AGBL1: variants seen among roughly 807,000 people sequenced by gnomAD.
The protein encoded by AGBL1 is AGBL carboxypeptidase 1, also known as cytosolic carboxypeptidase 4.
A neutral mutation model predicts 118.9 loss-of-function variants in AGBL1; 130 were observed. The observed-to-expected ratio is 1.09, with a 90% confidence interval of 0.95 to 1.26. The LOEUF is 1.26. AGBL1 is among the 50% of genes most tolerant of loss of function. AGBL1 has a pLI of 0.00. For synonymous variants in AGBL1, 555 were observed against 478.9 expected (o/e 1.16, Z -2.08); for missense variants, 1,584 against 1,298.1 (o/e 1.22, Z -3.38).
Position 86,491,679 on chromosome 15 carries a change from A to G in AGBL1, c.2556-31131A>G, listed in dbSNP as rs569566967. Among the ~76,000 whole-genome samples, 5 of 152,226 alleles carry G rather than the reference A, an allele frequency of 3.3e-5. No individual in the cohort carries two copies. In the South Asian group the frequency reaches 1.0e-3, roughly 32 times the overall value. ...TTAGGGGTAGAGAGGTTGATTGGAT[A>G]GGGTGGGTGAAGAAGAGGGGATATG... On this transcript the variant is annotated intron_variant, in intron 18 of 22. Transcript: ENST00000614907.
At chr15:86,508,927 T>C (rs1188706428) in intron 18 of AGBL1, among the ~76,000 whole-genome samples, 1 of 152,184 alleles carries the variant, frequency 6.6e-6, no homozygotes, top group Non-Finnish European at 1.5e-5. Context: ...GCTAAGTGCC[T>C]TAAGTGTGTT....
intron 22 of AGBL1, among the ~76,000 whole-genome samples, chr15:86,822,345 T>G (rs936582783): frequency 6.6e-6 from 1 of 152,154 alleles, no homozygotes; most frequent in African/African-American, 2.4e-5. Context: ...TTCTCTGATA[T>G]TTCTCTTCCA....
At chr15:86,347,786 G>A (rs537836226) in intron 17 of AGBL1, among the ~76,000 whole-genome samples, 1 of 152,260 alleles carries the variant, frequency 6.6e-6, no homozygotes, top group East Asian at 1.9e-4. Context: ...ATATCCCCAA[G>A]AAGACATTTT....
intron 22 of AGBL1, among the ~76,000 whole-genome samples, chr15:86,685,337 A>G (rs1233100864): frequency 1.3e-5 from 2 of 152,166 alleles, no homozygotes; most frequent in South Asian, 4.1e-4. Context: ...AGCTCATCAT[A>G]GACTTACTGA....
At chr15:86,986,121 G>A (rs1297835922) in intron 23 of AGBL1, among the ~76,000 whole-genome samples, 1 of 151,870 alleles carries the variant, frequency 6.6e-6, no homozygotes, top group Non-Finnish European at 1.5e-5. Flanking sequence ...ACGGGGTTTC[G>A]CCACGTTGGC....
intron 18 of AGBL1, among the ~76,000 whole-genome samples, chr15:86,401,456 A>AAT (rs1342641201): frequency 6.6e-6 from 1 of 151,936 alleles, no homozygotes; most frequent in Non-Finnish European, 1.5e-5. Flanking sequence ...TTTTTAGTTT[A>AAT]ATTAGGTCTC....
intron 22 of AGBL1, among the ~76,000 whole-genome samples, chr15:86,684,982 A>G (rs1239152114): frequency 6.6e-6 from 1 of 152,212 alleles, no homozygotes; most frequent in Non-Finnish European, 1.5e-5. Context: ...AAGAAACAGA[A>G]GCCTTACTAG....
intron 18 of AGBL1, among the ~76,000 whole-genome samples, chr15:86,509,946 A>ATTTTTTTTTTTTTTTT (rs71144048): frequency 7.0e-6 from 1 of 142,874 alleles, no homozygotes; most frequent in Non-Finnish European, 1.5e-5. Flanking sequence ...GCTGAAGCTC[A>ATTTTTTTTTTTTTTTT]TTTTTTTTTT....
At chr15:86,173,359 G>C (rs1199924699) in intron 5 of AGBL1, 3 of 151,978 alleles carry the variant, frequency 2.0e-5, no homozygotes, top group Non-Finnish European at 4.4e-5. Flanking sequence ...CCGCCAGAGA[G>C]TTTGCAAATA....
intron 5 of AGBL1, among the ~76,000 whole-genome samples, chr15:86,207,654 A>G (rs986335605): frequency 2.6e-5 from 4 of 152,182 alleles, no homozygotes; most frequent in African/African-American, 7.2e-5. Flanking sequence ...ATTTTTGCAC[A>G]TCGATTTTGT....
intron 23 of AGBL1, among the ~76,000 whole-genome samples, chr15:86,984,918 C>T (rs543139011): frequency 1.1e-3 from 164 of 152,254 alleles, no homozygotes; most frequent in African/African-American, 3.2e-3. Flanking sequence ...CACAGACAAC[C>T]GATGATCTGC....
At chr15:86,430,713 T>A (rs777267413) in intron 18 of AGBL1, among the ~76,000 whole-genome samples, 11 of 152,146 alleles carry the variant, frequency 7.2e-5, no homozygotes, top group Non-Finnish European at 1.3e-4. Context: ...GAGAATTAAC[T>A]TTGCTCTGAA....
intron 17 of AGBL1, among the ~76,000 whole-genome samples, chr15:86,376,882 G>C (rs1025691702): frequency 6.6e-6 from 1 of 152,240 alleles, no homozygotes; most frequent in Non-Finnish European, 1.5e-5. Flanking sequence ...TTTGGGTAAA[G>C]TTGATGCTTC....
In AGBL1 at chr15:86,224,851, G is replaced by C. The variant is rs918655966; in HGVS notation, c.489-63G>C. 2.7e-5 allele frequency: 41 copies of C among 1,543,990 alleles called. No homozygotes were observed. The South Asian group carries it at 4.2e-4, about 16-fold the overall frequency. On this transcript the variant is annotated intron_variant, in intron 5 of 22. Coordinates refer to ENST00000614907, the MANE Select transcript of AGBL1 (RefSeq NM_001386094.1). ...GTGGCAATGGGCATGCTGGCTGTGG[G>C]ATCCATGTGCTGAGAAAAAGACCAT...
At chr15:86,949,894 A>G (rs1297400336) in intron 23 of AGBL1, among the ~76,000 whole-genome samples, 1 of 152,092 alleles carries the variant, frequency 6.6e-6, no homozygotes, top group Admixed American at 6.5e-5. Flanking sequence ...TAATAATTAT[A>G]TACTGGGCCT....
At chr15:86,262,752 T>C (rs1192646437) in intron 9 of AGBL1, 26 bp from the exon 10 acceptor site, 1 of 1,479,462 alleles carries the variant, frequency 6.8e-7, no homozygotes, top group Non-Finnish European at 9.3e-7. Flanking sequence ...CTGACTGTAA[T>C]CTCTTCTATG....
At chr15:86,627,407 T>C (rs1348753323) in intron 21 of AGBL1, among the ~76,000 whole-genome samples, 6 of 152,170 alleles carry the variant, frequency 3.9e-5, no homozygotes, top group Non-Finnish European at 8.8e-5. Flanking sequence ...TAAAATAATC[T>C]GGTGGCAGAG....
At position 86,583,862 on chromosome 15, in the gene AGBL1, AC is replaced by A. The variant is rs202004556; in HGVS notation, c.2994+29326del. Among the ~76,000 whole-genome samples, 1,472 of 152,050 alleles carry A rather than the reference AC, an allele frequency of 9.7e-3. 15 individuals carry two copies. Among genetic ancestry groups the A allele is most frequent in the Non-Finnish European group, 0.016 (1,106 of 67,930 alleles). Reference sequence around the variant, plus strand: ...GCCTCATCAGCATCTGTTGTTTTTGACATTTAAAATTATAGTTATTCTGACT... The same window carrying A: ...GCCTCATCAGCATCTGTTGTTTTTGAATTTAAAATTATAGTTATTCTGACT... On this transcript the variant is annotated intron_variant, in intron 21 of 22. Transcript: ENST00000614907.
chr15:86,626,420 C>G (rs1265227387), intron 21 of AGBL1, among the ~76,000 whole-genome samples: 1 of 152,160 alleles, frequency 6.6e-6, no homozygotes, highest in African/African-American at 2.4e-5. Flanking sequence ...GAGAACCAAA[C>G]ACAGCACGTT....
Sources: allele counts gnomAD v4.1 joint callset (sites outside exome capture counted in the v4.1 genomes callset), GRCh38; gene constraint gnomAD v4.1.1; transcripts MANE v1.5; gene names NCBI Gene and HGNC (gene_info 2026-07-23, HGNC 2026-07-21).